USP36: variants seen among roughly 807,000 people sequenced by gnomAD.
The protein encoded by USP36 is ubiquitin carboxyl-terminal hydrolase 36.
In USP36, 59 loss-of-function variants were observed where a neutral mutation model predicts 111.5. The ratio of observed to expected loss-of-function variants is 0.53; its 90% CI spans 0.43 to 0.66. USP36 has a LOEUF of 0.66. USP36 is among the 30% of genes least tolerant of loss of function. The pLI is 0.00. For missense variants in USP36, 1,488 were observed against 1,468.0 expected (o/e 1.01, Z -0.22); for synonymous variants, 628 against 581.0 (o/e 1.08, Z -1.16).
intron 13 of USP36, 118 bp from the exon 14 acceptor site, chr17:78,807,754 A>G: frequency 9.8e-7 from 1 of 1,023,906 alleles, no homozygotes; most frequent in Non-Finnish European, 1.4e-6. Context: ...AGCATGCTCA[A>G]GATAAATTAT....
rs1462661076 is a variant in USP36, at chr17:78,802,938, TTTTTC to T, written c.2811-408_2811-404del. Among the ~76,000 whole-genome samples the T allele has an allele frequency of 5.9e-5, 9 of 151,438 alleles. 1 individual carries two copies. Among genetic ancestry groups the T allele is most frequent in the African/African-American group, 1.7e-4 (7 of 41,406 alleles). ...CACTGGTATTTATCAGAGGAGATAT[TTTTTC>T]TTTTTTCTTTTTTTTTAGACAGGGT... On this transcript the variant is annotated intron_variant, in intron 16 of 20. Coordinates refer to ENST00000449938, the MANE Select transcript of USP36 (RefSeq NM_001385174.1).
intron 16 of USP36, 60 bp from the exon 17 acceptor site, chr17:78,802,595 CACAGACACCCGCCTGCA>C: frequency 1.3e-6 from 2 of 1,488,148 alleles, no homozygotes. Flanking sequence ...AGCAGGAGCG[CACAGACACCCGCCTGCA>C]ACATGGAGAA....
rs564242405 is a variant in USP36 at position 78,838,382 on chromosome 17, A to C, written c.-10+205T>G. On this transcript the variant is annotated intron_variant, in intron 2 of 20. Transcript: ENST00000449938. ...GCAAGACTTGGTCTCAAAAAAAAAA[A>C]AAAACAAAAAACAAAAAACTTCTGT... Among the ~76,000 whole-genome samples the C allele has an allele frequency of 2.6e-5, 4 of 151,604 alleles. No individual in the cohort carries two copies. In the East Asian group the frequency reaches 7.7e-4, roughly 29 times the overall value.
chr17:78,827,134 G>T, intron 6 of USP36, 111 bp downstream of exon 6: 3 of 1,256,096 alleles, frequency 2.4e-6, no homozygotes, highest in African/African-American at 1.5e-5. Flanking sequence ...TCTACCCAAG[G>T]GCAGCCTGGG....
At chr17:78,792,786 T>C (rs750608579), downstream of USP36, among the ~76,000 whole-genome samples, 7 of 152,106 alleles carry the variant, frequency 4.6e-5, no homozygotes, top group Non-Finnish European at 8.8e-5. Context: ...TGGCATGATC[T>C]TGGCTCACTG....
At chr17:78,822,371 G>A (rs906338448) in intron 6 of USP36, among the ~76,000 whole-genome samples, 1 of 152,156 alleles carries the variant, frequency 6.6e-6, no homozygotes, top group Non-Finnish European at 1.5e-5. Context: ...CTAGAGTGAG[G>A]CGGGAGGCCA....
In USP36 at chr17:78,836,269, G is replaced by T. The variant is rs1048738512; in HGVS notation, c.95C>A (p.Ala32Asp). The change falls in exon 3 of 21, where the codon GCC becomes GAC. Residue 32 changes from alanine to aspartate, a missense_variant. Around this residue, in one of 3 missense-constraint regions of USP36, gnomAD observed 219 missense variants for 209.5 expected, o/e 1.05. Transcript: ENST00000449938. ...GATTTTCTGTAAAAGGACCTTCTTG[G>T]CAGAGGAGGCAAGAAGCTTCCCCAG... is the stretch of plus-strand genomic sequence containing the variant. ...GELGKLLASSAKKVLLQKIEF... is the reference protein window; with the variant it reads ...GELGKLLASSDKKVLLQKIEF... The T allele has an allele frequency of 6.2e-7, 1 of 1,614,140 alleles. No individual in the cohort carries two copies. Among genetic ancestry groups the T allele is most frequent in the African/African-American group, 1.3e-5 (1 of 75,044 alleles).
chr17:78,816,390 C>A (rs1217892965), intron 10 of USP36, among the ~76,000 whole-genome samples: 2 of 152,004 alleles, frequency 1.3e-5, no homozygotes, highest in Non-Finnish European at 1.5e-5. Context: ...CTTTGGGAGG[C>A]CGAGGTGGGT....
chr17:78,789,209 A>AG (rs1234587543), intron 3 of USP36, among the ~76,000 whole-genome samples: 20 of 151,092 alleles, frequency 1.3e-4, no homozygotes, highest in South Asian at 2.1e-4. Context: ...AAAAAAAAAA[A>AG]AAAAAAAAAA....
intron 10 of USP36, among the ~76,000 whole-genome samples, chr17:78,815,823 GCA>G (rs1285830464): frequency 6.8e-6 from 1 of 148,034 alleles, no homozygotes; most frequent in Admixed American, 6.6e-5. Context: ...ATACACACAT[GCA>G]CACATATATA....
chr17:78,840,259 C>G (rs1472910901), intron 1 of USP36: 3 of 152,784 alleles, frequency 2.0e-5, no homozygotes, highest in Admixed American at 1.3e-4. Flanking sequence ...CCGCCAGAAG[C>G]AGCAGCATCG....
At chr17:78,808,127 A>G (rs1028872065) in intron 13 of USP36, among the ~76,000 whole-genome samples, 13 of 152,266 alleles carry the variant, frequency 8.5e-5, no homozygotes, top group African/African-American at 2.9e-4. Context: ...ATAACCATGC[A>G]TTAACATTCT....
intron 17 of USP36, among the ~76,000 whole-genome samples, chr17:78,801,587 T>C (rs1227409905): frequency 6.6e-6 from 1 of 151,384 alleles, no homozygotes; most frequent in African/African-American, 2.4e-5. Flanking sequence ...CAGCCAGCCC[T>C]AAAGAAAACA....
chr17:78,807,665 T>A (rs904237373), intron 13 of USP36, 29 bp from the exon 14 acceptor site: 2 of 1,509,606 alleles, frequency 1.3e-6, no homozygotes, highest in Non-Finnish European at 1.8e-6. Flanking sequence ...AAAACACAAC[T>A]GAGGAAGCGA....
rs559135638 is a variant in USP36 at position 78,817,593 on chromosome 17, A to G, written c.1023+1074T>C. 7.8e-4 allele frequency among the ~76,000 whole-genome samples: 118 copies of G among 152,164 alleles called. 1 individual carries two copies. Among genetic ancestry groups the G allele is most frequent in the African/African-American group, 2.8e-3 (116 of 41,530 alleles). ...ACCATGGCAAAACCCCATCTCTACT[A>G]AAAATACAAAAATTAGCCAGGTGTG... On this transcript the variant is annotated intron_variant, in intron 10 of 20. Coordinates refer to ENST00000449938, the MANE Select transcript of USP36 (RefSeq NM_001385174.1).
intron 4 of USP36, among the ~76,000 whole-genome samples, chr17:78,832,505 G>A (rs2068237737): frequency 1.3e-5 from 2 of 152,354 alleles, no homozygotes; most frequent in Admixed American, 1.3e-4. Context: ...CGTTCCCCTT[G>A]AAGGGATGGC....
intron 7 of USP36, chr17:78,821,411 T>TAC (rs2094323408): frequency 1.5e-5 from 1 of 67,568 alleles, no homozygotes; most frequent in African/African-American, 7.8e-5. Context: ...TATATATATA[T>TAC]ATATATATAT....
chr17:78,811,304 T>A (rs1158254879), intron 13 of USP36, among the ~76,000 whole-genome samples: 2 of 152,174 alleles, frequency 1.3e-5, no homozygotes, highest in African/African-American at 4.8e-5. Context: ...AGAGGGTAGT[T>A]CCTAATGGTT....
At chr17:78,811,280 CACAAAG>C (rs903783542) in intron 13 of USP36, among the ~76,000 whole-genome samples, 11 of 151,970 alleles carry the variant, frequency 7.2e-5, no homozygotes, top group African/African-American at 2.7e-4. Flanking sequence ...TTCAAATACA[CACAAAG>C]GTAACTTAGA....
Sources: allele counts gnomAD v4.1 joint callset (sites outside exome capture counted in the v4.1 genomes callset), GRCh38; gene constraint gnomAD v4.1.1; regional missense constraint gnomAD v4.1.1; transcripts MANE v1.5; gene names NCBI Gene and HGNC (gene_info 2026-07-23, HGNC 2026-07-21).